Variants in KCNIP4 observed in about 807,000 individuals in gnomAD.
KCNIP4 encodes potassium voltage-gated channel interacting protein 4, also known as Kv channel-interacting protein 4.
KCNIP4 carries 12 observed loss-of-function variants against 34.0 expected under a neutral mutation model. The ratio of observed to expected loss-of-function variants is 0.35; its 90% CI spans 0.23 to 0.57. The LOEUF is 0.57. Ranked by LOEUF, KCNIP4 falls within the 20% of genes least tolerant of loss-of-function variation. The probability of loss-of-function intolerance (pLI) is 0.83; values close to 1 mark genes in which losing one functional copy is unlikely to be tolerated. For missense variants in KCNIP4, 238 were observed against 311.7 expected (o/e 0.76, Z 1.78); for synonymous variants, 124 against 102.2 (o/e 1.21, Z -1.29).
intron 5 of KCNIP4, 39 bp from the exon 6 acceptor site, chr4:20,734,774 TA>T (rs1749170801): frequency 4.6e-6 from 6 of 1,290,820 alleles, no homozygotes; most frequent in East Asian, 4.7e-5. Context: ...ATGACATTTT[TA>T]AAAAAACAAA....
At chr4:21,837,203 C>T (rs1264667725) in intron 1 of KCNIP4, among the ~76,000 whole-genome samples, 1 of 150,652 alleles carries the variant, frequency 6.6e-6, no homozygotes, top group East Asian at 2.0e-4. Flanking sequence ...CAGGCGTGAG[C>T]CCCGCGATCG....
At chr4:21,773,055 A>G (rs1553930129) in intron 1 of KCNIP4, among the ~76,000 whole-genome samples, 1 of 152,136 alleles carries the variant, frequency 6.6e-6, no homozygotes, top group Non-Finnish European at 1.5e-5. Flanking sequence ...GTGGGTGTTT[A>G]GTGCTGTAAA....
intron 1 of KCNIP4, among the ~76,000 whole-genome samples, chr4:21,258,384 A>C (rs1195175021): frequency 6.6e-6 from 1 of 152,190 alleles, no homozygotes; most frequent in Non-Finnish European, 1.5e-5. Context: ...ATGCAAATTT[A>C]CTTTATCATG....
intron 1 of KCNIP4, among the ~76,000 whole-genome samples, chr4:21,292,575 G>A (rs185214535): frequency 5.4e-4 from 82 of 152,126 alleles, no homozygotes; most frequent in Non-Finnish European, 9.7e-4. Context: ...AGCACTGCCC[G>A]GCAATCTTCT....
chr4:21,224,867 A>T lies in KCNIP4; in HGVS notation c.62-342158T>A, dbSNP rs540108467. Among the ~76,000 whole-genome samples, 4 of 152,184 alleles carry T rather than the reference A, an allele frequency of 2.6e-5. No individual in the cohort carries two copies. The East Asian group carries it at 7.8e-4, about 29-fold the overall frequency. ...CTACCAAAGTGCTGAGATTACAGGCATGAGCCACCACACCTGGCCCCAATT... is the reference window on the plus strand; with the variant it reads ...CTACCAAAGTGCTGAGATTACAGGCTTGAGCCACCACACCTGGCCCCAATT... On this transcript the variant is annotated intron_variant, in intron 1 of 8. Transcript: ENST00000382152.
chr4:21,456,489 A>T (rs989195706), intron 1 of KCNIP4, among the ~76,000 whole-genome samples: 1 of 148,316 alleles, frequency 6.7e-6, no homozygotes, highest in African/African-American at 2.6e-5. Context: ...TTCTTAATTT[A>T]TATTTCTTTA....
intron 1 of KCNIP4, among the ~76,000 whole-genome samples, chr4:21,820,411 G>A (rs1722288143): frequency 6.6e-6 from 1 of 150,744 alleles, no homozygotes; most frequent in African/African-American, 2.4e-5. Flanking sequence ...ATGCAGAGCT[G>A]GTTTATCCAT....
At chr4:21,796,953 C>G (rs933516336) in intron 1 of KCNIP4, among the ~76,000 whole-genome samples, 1 of 152,120 alleles carries the variant, frequency 6.6e-6, no homozygotes, top group Admixed American at 6.6e-5. Flanking sequence ...ACGCTTCTGA[C>G]ATTGGCAAAG....
intron 1 of KCNIP4, among the ~76,000 whole-genome samples, chr4:21,247,759 T>TATATATATATATATATATATAC (rs1366204923): frequency 4.2e-5 from 5 of 120,010 alleles, no homozygotes; most frequent in African/African-American, 1.1e-4. Context: ...TATATATATA[T>TATATATATATATATATATATAC]ACACCCCACA....
chr4:21,105,204 G>A (rs1446087053), intron 1 of KCNIP4, among the ~76,000 whole-genome samples: 2 of 151,554 alleles, frequency 1.3e-5, no homozygotes, highest in Non-Finnish European at 2.9e-5. Context: ...CCATTTTCAT[G>A]ATATTGATTC....
At chr4:20,854,533 G>T (rs1721370537) in intron 2 of KCNIP4, among the ~76,000 whole-genome samples, 1 of 152,098 alleles carries the variant, frequency 6.6e-6, no homozygotes, top group South Asian at 2.1e-4. Flanking sequence ...TACAAATATT[G>T]TGCAGTGTAT....
rs138499778 is a variant in KCNIP4 at position 21,135,178 on chromosome 4, A to G, written c.62-252469T>C. 4.1e-3 allele frequency among the ~76,000 whole-genome samples: 621 copies of G among 152,348 alleles called. 1 individual carries two copies. The highest frequency in any genetic ancestry group is 0.014 in the African/African-American group (582 of 41,586). On this transcript the variant is annotated intron_variant, in intron 1 of 8. Transcript: ENST00000382152. ...TTCACCAGACTGCCTCTTATAAAGT[A>G]TATCATTGCTGCTCTCTGCTGGTCA...
At chr4:21,122,508 T>C (rs1221235481) in intron 1 of KCNIP4, among the ~76,000 whole-genome samples, 6 of 151,570 alleles carry the variant, frequency 4.0e-5, no homozygotes, top group Non-Finnish European at 2.9e-5. Flanking sequence ...ATCAATATTT[T>C]CCCCCAGTTA....
chr4:21,007,120 C>A (rs1478890428), intron 1 of KCNIP4, among the ~76,000 whole-genome samples: 5 of 151,980 alleles, frequency 3.3e-5, no homozygotes, highest in African/African-American at 1.2e-4. Flanking sequence ...AAAAAAATAC[C>A]CTTGAATAAT....
chr4:21,068,277 G>A (rs979385418), intron 1 of KCNIP4, among the ~76,000 whole-genome samples: 5 of 152,096 alleles, frequency 3.3e-5, no homozygotes, highest in Admixed American at 3.3e-4. Context: ...TGACGTGGTC[G>A]TCCTGCTTCC....
At chr4:21,795,715 T>TATTG (rs1347944234) in intron 1 of KCNIP4, among the ~76,000 whole-genome samples, 5 of 152,150 alleles carry the variant, frequency 3.3e-5, no homozygotes, top group African/African-American at 9.7e-5. Context: ...TGCAAGGGTA[T>TATTG]ATTGCATAAT....
intron 1 of KCNIP4, among the ~76,000 whole-genome samples, chr4:21,477,228 A>G (rs1410504751): frequency 1.3e-5 from 2 of 152,180 alleles, no homozygotes; most frequent in Admixed American, 6.6e-5. Flanking sequence ...GCAAACAACC[A>G]TCTTGGCTAA....
chr4:20,943,758 G>A (rs938711029), intron 1 of KCNIP4, among the ~76,000 whole-genome samples: 2 of 152,110 alleles, frequency 1.3e-5, no homozygotes, highest in African/African-American at 4.8e-5. Context: ...GACTATATAA[G>A]AAACAGAGTC....
At chr4:21,691,094 T>TA (rs34265873) in intron 1 of KCNIP4, among the ~76,000 whole-genome samples, 1 of 152,262 alleles carries the variant, frequency 6.6e-6, no homozygotes, top group African/African-American at 2.4e-5. Context: ...TAATTTTAAA[T>TA]AAAAAAGCCC....
Sources: allele counts gnomAD v4.1 joint callset (sites outside exome capture counted in the v4.1 genomes callset), GRCh38; gene constraint gnomAD v4.1.1; transcripts MANE v1.5; gene names NCBI Gene and HGNC (gene_info 2026-07-23, HGNC 2026-07-21).